SLC24A3: variants seen among roughly 807,000 people sequenced by gnomAD.
SLC24A3 encodes the protein solute carrier family 24 member 3.
In SLC24A3, 28 loss-of-function variants were observed where a neutral mutation model predicts 75.8. That is an observed-to-expected ratio of 0.37 (90% CI 0.27 to 0.51). SLC24A3 has a LOEUF of 0.51. Among genes scored for constraint, SLC24A3 ranks in the 20% least tolerant of loss-of-function variants. The probability of loss-of-function intolerance (pLI) is 0.94; values close to 1 mark genes in which losing one functional copy is unlikely to be tolerated. For synonymous variants in SLC24A3, 372 were observed against 334.1 expected (o/e 1.11, Z -1.24); for missense variants, 663 against 847.8 (o/e 0.78, Z 2.71).
At chr20:19,386,711 A>G (rs185180226) in intron 2 of SLC24A3, among the ~76,000 whole-genome samples, 3 of 152,162 alleles carry the variant, frequency 2.0e-5, no homozygotes, top group African/African-American at 7.2e-5. Flanking sequence ...GTGATTTGTC[A>G]TGTTAATTGA....
intron 2 of SLC24A3, among the ~76,000 whole-genome samples, chr20:19,319,618 A>C (rs1178194946): frequency 6.6e-6 from 1 of 152,212 alleles, no homozygotes; most frequent in African/African-American, 2.4e-5. Flanking sequence ...AGTGCTGTTT[A>C]AAATACTCAA....
intron 1 of SLC24A3, among the ~76,000 whole-genome samples, chr20:19,232,322 T>A (rs1020279948): frequency 6.6e-6 from 1 of 152,238 alleles, no homozygotes; most frequent in African/African-American, 2.4e-5. Flanking sequence ...AATATTTTTA[T>A]GAATAAAATA....
At chr20:19,533,267 G>C (rs2030334692) in intron 3 of SLC24A3, among the ~76,000 whole-genome samples, 1 of 152,122 alleles carries the variant, frequency 6.6e-6, no homozygotes, top group Non-Finnish European at 1.5e-5. Context: ...TGCTTCTCCA[G>C]GTGGCTTCTC....
chr20:19,271,882 C>T (rs530949109), intron 1 of SLC24A3, among the ~76,000 whole-genome samples: 2 of 152,318 alleles, frequency 1.3e-5, no homozygotes, highest in Non-Finnish European at 2.9e-5. Context: ...ATAGTGTACA[C>T]TGCTCAGATG....
intron 2 of SLC24A3, among the ~76,000 whole-genome samples, chr20:19,501,683 G>T (rs1293692557): frequency 6.6e-6 from 1 of 152,240 alleles, no homozygotes; most frequent in African/African-American, 2.4e-5. Flanking sequence ...ACAGATGCTT[G>T]TTTGGGATGA....
At chr20:19,346,075 A>ATATATG (rs1985392896) in intron 2 of SLC24A3, among the ~76,000 whole-genome samples, 1 of 56,160 alleles carries the variant, frequency 1.8e-5, no homozygotes, top group African/African-American at 1.8e-4. Context: ...ATATATATAT[A>ATATATG]TATATATATA....
intron 2 of SLC24A3, among the ~76,000 whole-genome samples, chr20:19,496,457 C>T (rs967873932): frequency 5.9e-5 from 9 of 152,198 alleles, no homozygotes; most frequent in African/African-American, 1.9e-4. Flanking sequence ...GTCCATCGCC[C>T]ACCCTCCAGC....
At chr20:19,356,264 G>A (rs576603351) in intron 2 of SLC24A3, among the ~76,000 whole-genome samples, 2 of 152,284 alleles carry the variant, frequency 1.3e-5, no homozygotes, top group Admixed American at 6.5e-5. Context: ...ATCCCCTGCA[G>A]ACTTGTCACT....
intron 6 of SLC24A3, among the ~76,000 whole-genome samples, chr20:19,602,589 T>C (rs1463457769): frequency 6.6e-6 from 1 of 152,172 alleles, no homozygotes; most frequent in East Asian, 1.9e-4. Flanking sequence ...AACTCTAGAA[T>C]CCAAGCCATA....
intron 1 of SLC24A3, among the ~76,000 whole-genome samples, chr20:19,278,717 A>G (rs189468951): frequency 6.6e-6 from 1 of 152,322 alleles, no homozygotes; most frequent in East Asian, 1.9e-4. Context: ...TTTGTATTTC[A>G]AGAGTCTGAA....
At chr20:19,574,501 T>G (rs897397036) in intron 3 of SLC24A3, among the ~76,000 whole-genome samples, 28 of 152,214 alleles carry the variant, frequency 1.8e-4, no homozygotes, top group Admixed American at 1.6e-3. Flanking sequence ...GGGCTGGGCC[T>G]GTCTCAGTTG....
intron 3 of SLC24A3, among the ~76,000 whole-genome samples, chr20:19,559,474 G>T (rs373888518): frequency 2.9e-4 from 44 of 152,154 alleles, no homozygotes; most frequent in African/African-American, 9.9e-4. Flanking sequence ...GTTTTGTTTG[G>T]TTTCGTTTGA....
At chr20:19,433,605 G>C (rs6136726) in intron 2 of SLC24A3, among the ~76,000 whole-genome samples, 5,948 of 152,270 alleles carry the variant, frequency 0.039, 480 homozygotes, top group East Asian at 0.37. Flanking sequence ...AATTTGGTAA[G>C]AGTGACTCAG....
At chr20:19,334,373 T>TA (rs200323645) in intron 2 of SLC24A3, among the ~76,000 whole-genome samples, 1 of 142,944 alleles carries the variant, frequency 7.0e-6, no homozygotes, top group Non-Finnish European at 1.5e-5. Context: ...ATCAACACAG[T>TA]AAAAAAAATA....
rs760845120 is a variant in SLC24A3, at chr20:19,685,338, C to G, written c.1301C>G (p.Pro434Arg). ...GAGGACGAGGATGATGATGAAGGACCGTACACACCATTCGACACCCCCTGT... is the reference window on the plus strand; with the variant it reads ...GAGGACGAGGATGATGATGAAGGACGGTACACACCATTCGACACCCCCTGT... The part of the protein sequence containing the change: ...EEEDEDDDEG[P>R]YTPFDTPSGK... The change falls in exon 12 of 17, where the codon CCG becomes CGG. Residue 434 changes from proline to arginine, a missense_variant. This residue lies in a region of SLC24A3 where 510 missense variants were observed against 703.6 expected (regional missense o/e 0.72). Coordinates refer to ENST00000328041, the MANE Select transcript of SLC24A3 (RefSeq NM_020689.4). 6.2e-7 allele frequency: 1 copy of G among 1,613,906 alleles called. No individual in the cohort carries two copies. Among genetic ancestry groups the G allele is most frequent in the Non-Finnish European group, 8.5e-7 (1 of 1,179,948 alleles).
intron 1 of SLC24A3, among the ~76,000 whole-genome samples, chr20:19,230,352 C>T (rs888665384): frequency 3.3e-5 from 5 of 152,096 alleles, no homozygotes; most frequent in African/African-American, 1.2e-4. Context: ...AGGGGATCTC[C>T]TGCTCCTTCT....
rs1292219465 is a variant in SLC24A3, at chr20:19,337,188, T to C, written c.271+56101T>C. Among the ~76,000 whole-genome samples, 3 of 152,230 alleles carry C rather than the reference T, an allele frequency of 2.0e-5. No homozygotes were observed. The East Asian group carries it at 5.8e-4, about 29-fold the overall frequency. Reference sequence around the variant, plus strand: ...GGCCGAGCGCAGTGGCTCACGCCTGTAATCCCAGCACTTTGGGAGGCTGAG... The same window carrying C: ...GGCCGAGCGCAGTGGCTCACGCCTGCAATCCCAGCACTTTGGGAGGCTGAG... On this transcript the variant is annotated intron_variant, in intron 2 of 16. Coordinates refer to ENST00000328041, the MANE Select transcript of SLC24A3 (RefSeq NM_020689.4).
intron 2 of SLC24A3, among the ~76,000 whole-genome samples, chr20:19,361,717 T>G (rs1985792939): frequency 6.6e-6 from 1 of 152,246 alleles, no homozygotes; most frequent in Admixed American, 6.5e-5. Context: ...TGTGTTGATG[T>G]TGGCAATATA....
chr20:19,524,357 G>A lies in SLC24A3; in HGVS notation c.348+8793G>A, dbSNP rs145714932. On this transcript the variant is annotated intron_variant, in intron 3 of 16. Coordinates refer to ENST00000328041, the MANE Select transcript of SLC24A3 (RefSeq NM_020689.4). ...CTCCAGTCCCTCCTCGACATCCACAGCAAAACTCTGGCCGGAGTTGACCTG... is the reference window on the plus strand; with the variant it reads ...CTCCAGTCCCTCCTCGACATCCACAACAAAACTCTGGCCGGAGTTGACCTG... Among the ~76,000 whole-genome samples, 143 of 152,326 alleles carry A rather than the reference G, an allele frequency of 9.4e-4. 1 individual carries two copies. The East Asian group carries it at 0.024, about 26-fold the overall frequency.
Sources: allele counts gnomAD v4.1 joint callset (sites outside exome capture counted in the v4.1 genomes callset), GRCh38; gene constraint gnomAD v4.1.1; regional missense constraint gnomAD v4.1.1; transcripts MANE v1.5; gene names NCBI Gene and HGNC (gene_info 2026-07-23, HGNC 2026-07-21).